Variants in PRCP observed in about 807,000 individuals in gnomAD.
The protein encoded by PRCP is lysosomal Pro-X carboxypeptidase.
PRCP carries 46 observed loss-of-function variants against 54.2 expected under a neutral mutation model. The observed-to-expected ratio is 0.85, with a 90% CI of 0.67 to 1.09. The LOEUF is 1.09. Ranked by LOEUF, PRCP falls within the 50% of genes least tolerant of loss-of-function variation. PRCP has a pLI of 0.00. For synonymous variants in PRCP, 240 were observed against 212.2 expected, an observed-to-expected ratio of 1.13 and a Z score of -1.14; for missense variants, 613 against 596.8, an observed-to-expected ratio of 1.03 and a Z score of -0.28.
At chr11:82,851,449 T>A (rs978579780) in intron 3 of PRCP, among the ~76,000 whole-genome samples, 22 of 149,668 alleles carry the variant, frequency 1.5e-4, no homozygotes, top group African/African-American at 4.9e-4. Context: ...AACTGCAGCC[T>A]CTTGTCAACA....
At chr11:82,838,603 T>C (rs1352456054) in intron 7 of PRCP, 29 bp from the exon 8 acceptor site, 1 of 1,584,192 alleles carries the variant, frequency 6.3e-7, no homozygotes, top group Non-Finnish European at 8.6e-7. Context: ...GAGAATCCAA[T>C]TAGAAAAATG....
chr11:82,869,213 G>A lies in PRCP; in HGVS notation c.169-9096C>T, dbSNP rs551382003. Among the ~76,000 whole-genome samples the A allele has an allele frequency of 4.0e-5, 6 of 151,794 alleles. No individual in the cohort carries two copies. The South Asian group carries it at 8.3e-4, about 21-fold the overall frequency. On this transcript the variant is annotated intron_variant, in intron 1 of 8. Coordinates refer to ENST00000313010, the MANE Select transcript of PRCP (RefSeq NM_005040.4). ...TCTACAAAAAATAAAAATATTAGCC[G>A]GGTGTGGTGGTACATGCCTATAGTC...
At chr11:82,900,064 T>G (rs2121295717) in intron 1 of PRCP, 171 bp downstream of exon 1, 1 of 832,776 alleles carries the variant, frequency 1.2e-6, no homozygotes, top group Non-Finnish European at 1.8e-6. Flanking sequence ...AGGAGAAAAT[T>G]TAAACAGAAC....
chr11:82,899,293 T>G (rs1407287449), intron 1 of PRCP, among the ~76,000 whole-genome samples: 1 of 152,222 alleles, frequency 6.6e-6, no homozygotes, highest in Non-Finnish European at 1.5e-5. Context: ...TTATCTGCTC[T>G]CATTCAACCA....
At chr11:82,844,635 A>C (rs1858757940) in intron 6 of PRCP, among the ~76,000 whole-genome samples, 1 of 150,804 alleles carries the variant, frequency 6.6e-6, no homozygotes, top group Non-Finnish European at 1.5e-5. Context: ...TGGGAGGCTA[A>C]GGCAGGAGAA....
intron 6 of PRCP, among the ~76,000 whole-genome samples, chr11:82,847,334 T>A (rs1301197349): frequency 2.0e-5 from 3 of 152,218 alleles, no homozygotes; most frequent in African/African-American, 2.4e-5. Flanking sequence ...ATGCAGTAGA[T>A]GATCAGAGGC....
chr11:82,824,849 A>C lies in PRCP; in HGVS notation c.*57T>G. 1 of 1,498,198 alleles carries C rather than the reference A, an allele frequency of 6.7e-7. No homozygotes were observed. The highest frequency in any genetic ancestry group is 9.2e-7 in the Non-Finnish European group (1 of 1,092,736). The allele number at this position is 1,498,198 out of a possible 1,614,324, so 92.8% of individuals were successfully genotyped here. Reference sequence around the variant, plus strand: ...TAATTACATGTAGAAAATCAAAGTGAATGGGAATGTGGTGGTGTGAACATA... The same window carrying C: ...TAATTACATGTAGAAAATCAAAGTGCATGGGAATGTGGTGGTGTGAACATA... On this transcript the variant is annotated 3_prime_UTR_variant, in exon 9 of 9. Coordinates refer to ENST00000313010, the MANE Select transcript of PRCP (RefSeq NM_005040.4).
intron 3 of PRCP, among the ~76,000 whole-genome samples, chr11:82,852,512 A>C (rs1266907164): frequency 6.6e-6 from 1 of 152,228 alleles, no homozygotes; most frequent in Non-Finnish European, 1.5e-5. Context: ...CTTGGTTAAG[A>C]TAATGCTAAG....
intron 8 of PRCP, among the ~76,000 whole-genome samples, chr11:82,832,871 T>A (rs1464358905): frequency 1.3e-5 from 2 of 152,224 alleles, no homozygotes; most frequent in East Asian, 1.9e-4. Context: ...CCTATGGCTG[T>A]TCTTTTACTT....
chr11:82,887,524 T>C (rs1279583143), intron 1 of PRCP, among the ~76,000 whole-genome samples: 1 of 152,226 alleles, frequency 6.6e-6, no homozygotes, highest in Non-Finnish European at 1.5e-5. Context: ...TGATACTATG[T>C]CAACTATCAT....
At chr11:82,886,509 C>T (rs1228296592) in intron 1 of PRCP, among the ~76,000 whole-genome samples, 1 of 152,158 alleles carries the variant, frequency 6.6e-6, no homozygotes, top group African/African-American at 2.4e-5. Flanking sequence ...GTCTCAAACT[C>T]CTGGTCTCAA....
At chr11:82,878,168 A>C (rs1431282725) in intron 1 of PRCP, among the ~76,000 whole-genome samples, 1 of 152,156 alleles carries the variant, frequency 6.6e-6, no homozygotes, top group African/African-American at 2.4e-5. Context: ...TATTTACCCA[A>C]TACCTGTACC....
At chr11:82,825,623 G>GAAAAGGGAGGAAAGAA (rs1442904999) in intron 8 of PRCP, 1 of 117,694 alleles carries the variant, frequency 8.5e-6, no homozygotes, top group Non-Finnish European at 2.0e-5. Flanking sequence ...GGAAGAAGGG[G>GAAAAGGGAGGAAAGAA]GAAAGGGAGG....
At chr11:82,874,201 A>G (rs1490666257) in intron 1 of PRCP, among the ~76,000 whole-genome samples, 2 of 152,210 alleles carry the variant, frequency 1.3e-5, no homozygotes, top group African/African-American at 2.4e-5. Flanking sequence ...ACGACACCAG[A>G]TAATCAACAA....
At chr11:82,844,747 A>AGAAAG (rs1555014082) in intron 6 of PRCP, among the ~76,000 whole-genome samples, 2 of 136,054 alleles carry the variant, frequency 1.5e-5, no homozygotes, top group African/African-American at 5.8e-5. Flanking sequence ...AAAAAAAAAA[A>AGAAAG]AAAGAAAGAA....
chr11:82,837,626 T>G (rs1412298137), intron 8 of PRCP, among the ~76,000 whole-genome samples: 8 of 152,226 alleles, frequency 5.3e-5, no homozygotes, highest in Non-Finnish European at 1.2e-4. Flanking sequence ...TATTTCTATA[T>G]AGACTTGGGG....
At chr11:82,844,158 C>G (rs1858743929) in intron 6 of PRCP, among the ~76,000 whole-genome samples, 2 of 152,130 alleles carry the variant, frequency 1.3e-5, no homozygotes, top group African/African-American at 4.8e-5. Context: ...CTATGAAATA[C>G]TCATAACAAC....
At chr11:82,869,413 GGAAA>G (rs1167000222) in intron 1 of PRCP, among the ~76,000 whole-genome samples, 1 of 148,062 alleles carries the variant, frequency 6.8e-6, no homozygotes, top group African/African-American at 2.5e-5. Flanking sequence ...AAGGAAGGAA[GGAAA>G]GAAAGAAAGC....
rs901944793 is a variant in PRCP at position 82,839,370 on chromosome 11, T to C, written c.977A>G (p.Asn326Ser). 4 of 1,613,846 alleles carry C rather than the reference T, an allele frequency of 2.5e-6. No individual in the cohort carries two copies. Among genetic ancestry groups the C allele is most frequent in the Non-Finnish European group, 2.5e-6 (3 of 1,179,806 alleles). Residue 326 changes from asparagine to serine, a missense_variant, in exon 7 of 9, where the codon AAT (asparagine) becomes AGT (serine). Physicochemically the swap from Asn to Ser is conservative, Grantham distance 46. Coordinates refer to ENST00000313010, the MANE Select transcript of PRCP (RefSeq NM_005040.4). The part of the protein sequence containing the change: ...PNVSDSLLLQ[N>S]IFQALNVYYN... Reference sequence around the variant, plus strand: ...ATATACATTCAGAGCTTGGAAAATATTCTGCAGCAGCAGTGAATCAGATAC... The same window carrying C: ...ATATACATTCAGAGCTTGGAAAATACTCTGCAGCAGCAGTGAATCAGATAC...
Sources: gnomAD v4.1 joint callset for allele counts (sites outside exome capture counted in the v4.1 genomes callset) on GRCh38, gnomAD v4.1.1 for gene constraint, MANE v1.5 for transcripts, NCBI Gene and HGNC (gene_info 2026-07-23, HGNC 2026-07-21) for gene names.